The following UNC79 variants were observed in gnomAD, a reference collection of about 807,000 sequenced individuals.
The protein encoded by UNC79 is unc-79 subunit of NALCN channel complex, also known as protein unc-79 homolog.
A neutral mutation model predicts 283.1 loss-of-function variants in UNC79; 37 were observed. The observed-to-expected ratio is 0.13, with a 90% confidence interval of 0.10 to 0.17. The LOEUF (loss-of-function observed/expected upper bound fraction) is 0.17. UNC79 is among the 10% of genes least tolerant of loss of function. UNC79 has a pLI of 1.00. For synonymous variants in UNC79, 1,107 were observed against 1,200.2 expected (o/e 0.92, Z 1.61); for missense variants, 2,272 against 3,211.1 (o/e 0.71, Z 7.07).
rs879275379 is a variant in UNC79, at chr14:93,652,362, C to T, written c.6084-1380C>T. 1.5e-3 allele frequency among the ~76,000 whole-genome samples: 231 copies of T among 152,210 alleles called. 5 individuals carry two copies. Among genetic ancestry groups the T allele is most frequent in the Admixed American group, 0.015 (230 of 15,298 alleles). On this transcript the variant is annotated intron_variant, in intron 35 of 48. Transcript: ENST00000555664. Reference sequence around the variant, plus strand: ...TCTCAACCTCCCTGGCTCAAGTGATCCTCCCACCTCAGCCTCCTGAGTAGC... The same window carrying T: ...TCTCAACCTCCCTGGCTCAAGTGATTCTCCCACCTCAGCCTCCTGAGTAGC...
chr14:93,467,701 A>G, exon 2 of UNC79: 2 of 1,310,030 alleles, frequency 1.5e-6, no homozygotes, highest in Non-Finnish European at 1.9e-6. Flanking sequence ...TTGCAGGAAT[A>G]TCATAACCGG....
Position 93,676,751 on chromosome 14 carries a change from C to A in UNC79, c.6741+3296C>A, listed in dbSNP as rs148107072. 2.6e-5 allele frequency among the ~76,000 whole-genome samples: 4 copies of A among 152,262 alleles called. No homozygotes were observed. The East Asian group carries it at 7.7e-4, about 29-fold the overall frequency. Reference sequence around the variant, plus strand: ...AAAAGAACACTGACAGTTTAAATTACCCAGTGCTTAAGGAAACCACAAAAA... The same window carrying A: ...AAAAGAACACTGACAGTTTAAATTAACCAGTGCTTAAGGAAACCACAAAAA... On this transcript the variant is annotated intron_variant, in intron 41 of 48. Coordinates refer to ENST00000555664, the Ensembl canonical transcript of UNC79.
At chr14:93,556,916 A>G (rs1340323078) in intron 14 of UNC79, among the ~76,000 whole-genome samples, 5 of 152,190 alleles carry the variant, frequency 3.3e-5, no homozygotes, top group African/African-American at 1.2e-4. Context: ...TATTCTCCCA[A>G]AGGGATTTTC....
Position 93,430,545 on chromosome 14 carries a change from C to T in UNC79, c.-485C>T, listed in dbSNP as rs1487531789. ...CCTGCTGAGGCTCCGGGGGCTGCTC[C>T]GGGAGCAGGATTTACAGGCCCGGAG... On this transcript the variant is annotated 5_prime_UTR_variant, in exon 1 of 49. Transcript: ENST00000555664. The surrounding 1 kb of genome is among the most constrained non-coding windows in gnomAD (Gnocchi z 4.6). 1.3e-5 allele frequency: 2 copies of T among 153,306 alleles called. No individual in the cohort carries two copies. The highest frequency in any genetic ancestry group is 4.8e-5 in the African/African-American group (2 of 41,462). 9.5% of individuals were successfully genotyped at this position (153,306 alleles called of 1,614,324 possible). A position where few individuals can be genotyped will look rare whatever the true frequency, so the allele number is the denominator to read the frequency against.
intron 1 of UNC79, among the ~76,000 whole-genome samples, chr14:93,422,183 T>A (rs2055615226): frequency 6.6e-6 from 1 of 151,804 alleles, no homozygotes; most frequent in African/African-American, 2.4e-5. Context: ...CTTGTAAGAT[T>A]TACATTGGTT....
At chr14:93,401,765 T>G (rs2055112116) in intron 1 of UNC79, among the ~76,000 whole-genome samples, 1 of 152,210 alleles carries the variant, frequency 6.6e-6, no homozygotes, top group Non-Finnish European at 1.5e-5. Flanking sequence ...ACTGGATTAG[T>G]GATATCTCTA....
At chr14:93,631,572 C>A (rs757833468) in intron 31 of UNC79, among the ~76,000 whole-genome samples, 15 of 152,260 alleles carry the variant, frequency 9.9e-5, no homozygotes, top group South Asian at 4.2e-4. Context: ...ACAGTCTTAC[C>A]AAGAATCAGA....
At chr14:93,605,555 A>G (rs926073526) in intron 26 of UNC79, among the ~76,000 whole-genome samples, 56 of 152,330 alleles carry the variant, frequency 3.7e-4, no homozygotes, top group African/African-American at 9.4e-4. Context: ...GAGATTCCAC[A>G]TGAATGGTGC....
Position 93,562,483 on chromosome 14 carries a change from T to C in UNC79, c.1756-9411T>C, listed in dbSNP as rs566189447. ...ACCCTGTAGCATCTCAAGGACAGGC[T>C]CTAATTCTGAGAAGGGCAAGAGGTA... is the stretch of plus-strand genomic sequence containing the variant. On this transcript the variant is annotated intron_variant, in intron 14 of 48. Transcript: ENST00000555664. Among the ~76,000 whole-genome samples, 27 of 152,268 alleles carry C rather than the reference T, an allele frequency of 1.8e-4. 1 individual carries two copies. The South Asian group carries it at 5.2e-3, about 29-fold the overall frequency.
intron 47 of UNC79, among the ~76,000 whole-genome samples, chr14:93,698,547 G>A (rs2075320104): frequency 7.3e-6 from 1 of 137,108 alleles, no homozygotes; most frequent in Non-Finnish European, 1.5e-5. Flanking sequence ...GTGCCGTGGT[G>A]CGATCTTGGC....
intron 40 of UNC79, among the ~76,000 whole-genome samples, chr14:93,664,641 C>T (rs1176474800): frequency 1.3e-5 from 2 of 152,148 alleles, no homozygotes; most frequent in African/African-American, 4.8e-5. Flanking sequence ...TGGTATCTGT[C>T]TCAGTTTGGG....
chr14:93,344,366 G>A (rs1031959210), intron 1 of UNC79, among the ~76,000 whole-genome samples: 6 of 152,190 alleles, frequency 3.9e-5, no homozygotes, highest in African/African-American at 1.4e-4. Flanking sequence ...CCCAAAGCAG[G>A]ATTTATCATA....
intron 1 of UNC79, among the ~76,000 whole-genome samples, chr14:93,445,687 C>T (rs1001528846): frequency 9.2e-5 from 14 of 152,100 alleles, no homozygotes; most frequent in Non-Finnish European, 1.5e-4. Flanking sequence ...GAATTGATAA[C>T]GATTCCTTGA....
chr14:93,374,420 C>G (rs750623143), intron 1 of UNC79, among the ~76,000 whole-genome samples: 1 of 152,170 alleles, frequency 6.6e-6, no homozygotes, highest in Admixed American at 6.5e-5. Flanking sequence ...TAATGTTTAC[C>G]CTGCTGGGTT....
intron 38 of UNC79, among the ~76,000 whole-genome samples, chr14:93,656,696 G>C (rs1393647164): frequency 6.6e-6 from 1 of 152,020 alleles, no homozygotes; most frequent in Admixed American, 6.5e-5. Context: ...AAATTAGCCA[G>C]GCGTAATGGC....
intron 35 of UNC79, among the ~76,000 whole-genome samples, chr14:93,652,906 C>T (rs1244786894): frequency 6.6e-6 from 1 of 152,044 alleles, no homozygotes; most frequent in East Asian, 1.9e-4. Context: ...GGGAAGGGTT[C>T]TCTCCTTCTC....
intron 1 of UNC79, among the ~76,000 whole-genome samples, chr14:93,414,524 C>T (rs1595446921): frequency 6.6e-6 from 1 of 152,114 alleles, no homozygotes; most frequent in East Asian, 1.9e-4. Context: ...TTTTTTGGTG[C>T]CATATGAACT....
At chr14:93,419,605 G>C (rs2055546109) in intron 1 of UNC79, among the ~76,000 whole-genome samples, 1 of 151,812 alleles carries the variant, frequency 6.6e-6, no homozygotes, top group African/African-American at 2.4e-5. Context: ...AAGGTGTAGA[G>C]TTTTATTGGT....
chr14:93,398,450 A>C (rs1566912091), intron 1 of UNC79, among the ~76,000 whole-genome samples: 1 of 152,256 alleles, frequency 6.6e-6, no homozygotes, highest in Non-Finnish European at 1.5e-5. Flanking sequence ...AAGACTATAT[A>C]GAGGAATTGA....
Sources: gnomAD v4.1 joint callset for allele counts (sites outside exome capture counted in the v4.1 genomes callset) on GRCh38, gnomAD v4.1.1 for gene constraint, Gnocchi (gnomAD v3.1) non-coding constraint, MANE v1.5 for transcripts, NCBI Gene and HGNC (gene_info 2026-07-23, HGNC 2026-07-21) for gene names.